The following BCAS3 variants were observed in gnomAD, a reference collection of about 807,000 sequenced individuals.
BCAS3 encodes the protein BCAS3 microtubule associated cell migration factor, also known as BCAS4/BCAS3 fusion.
BCAS3 carries 53 observed loss-of-function variants against 116.1 expected under a neutral mutation model. The observed-to-expected ratio is 0.46, with a 90% CI of 0.37 to 0.57. BCAS3 has a LOEUF of 0.57. Ranked by LOEUF, BCAS3 falls within the 20% of genes least tolerant of loss-of-function variation. BCAS3 has a pLI of 0.00. For missense variants in BCAS3, 917 were observed against 1,165.4 expected (o/e 0.79, Z 3.10); for synonymous variants, 391 against 408.2 (o/e 0.96, Z 0.51).
chr17:61,153,213 C>T (rs2077636438), intron 22 of BCAS3, among the ~76,000 whole-genome samples: 1 of 152,126 alleles, frequency 6.6e-6, no homozygotes, highest in Non-Finnish European at 1.5e-5. Flanking sequence ...TTGTAACTAA[C>T]TTGTTGTTCC....
rs190837961 is a variant in BCAS3, at chr17:61,371,641, T to G, written c.2593+3147T>G. Among the ~76,000 whole-genome samples the G allele has an allele frequency of 2.3e-3, 354 of 152,358 alleles. 1 individual carries two copies. The highest frequency in any genetic ancestry group is 8.0e-3 in the African/African-American group (331 of 41,584). Reference sequence around the variant, plus strand: ...ATGTTAATTAGCTCGATTTAGCCATTCCAAATGTATACATATTTCAAAACA... The same window carrying G: ...ATGTTAATTAGCTCGATTTAGCCATGCCAAATGTATACATATTTCAAAACA... On this transcript the variant is annotated intron_variant, in intron 23 of 23. Coordinates refer to ENST00000407086, the MANE Select transcript of BCAS3 (RefSeq NM_017679.5).
chr17:61,139,044 A>G lies in BCAS3; in HGVS notation c.2425+54480A>G, dbSNP rs775168884. Among the ~76,000 whole-genome samples the G allele has an allele frequency of 6.6e-6, 1 of 152,188 alleles. No individual in the cohort carries two copies. The highest frequency in any genetic ancestry group is 1.5e-5 in the Non-Finnish European group (1 of 68,030). ...ATGCTTTTGCTTACATTTGTTTATT[A>G]AATCTATTAGATCTAGAAAAAATTA... On this transcript the variant is annotated intron_variant, in intron 22 of 23. Transcript: ENST00000407086. The surrounding 1 kb of genome is among the most constrained non-coding windows in gnomAD (Gnocchi z 4.7).
At position 61,136,673 on chromosome 17, in the gene BCAS3, C is replaced by T. The variant is rs2076659115; in HGVS notation, c.2425+52109C>T. On this transcript the variant is annotated intron_variant, in intron 22 of 23. Coordinates refer to ENST00000407086, the MANE Select transcript of BCAS3 (RefSeq NM_017679.5). The surrounding 1 kb of genome is among the most constrained non-coding windows in gnomAD (Gnocchi z 4.4). ...CTCCCAGGTTCAAGCAATTCTTATA[C>T]CTCAGCCTCCTGAGTAGCTGGGATT... Among the ~76,000 whole-genome samples, 1 of 152,188 alleles carries T rather than the reference C, an allele frequency of 6.6e-6. No individual in the cohort carries two copies. The highest frequency in any genetic ancestry group is 6.5e-5 in the Admixed American group (1 of 15,286).
At chr17:61,093,655 C>T (rs1191602846) in intron 22 of BCAS3, among the ~76,000 whole-genome samples, 1 of 152,142 alleles carries the variant, frequency 6.6e-6, no homozygotes, top group Non-Finnish European at 1.5e-5. Context: ...CCGGTTGCTC[C>T]CACATTGTTT....
At chr17:61,212,559 A>ATATAT (rs1327954454) in intron 22 of BCAS3, among the ~76,000 whole-genome samples, 6 of 149,980 alleles carry the variant, frequency 4.0e-5, no homozygotes, top group Admixed American at 2.0e-4. Context: ...TATATATATA[A>ATATAT]AAACTATATT....
rs567644969 is a variant in BCAS3 at position 61,176,359 on chromosome 17, T to A, written c.2425+91795T>A. On this transcript the variant is annotated intron_variant, in intron 22 of 23. Coordinates refer to ENST00000407086, the MANE Select transcript of BCAS3 (RefSeq NM_017679.5). ...CCAGAAAAGCTATTTACCCAGAAAA[T>A]TTTTTTCTTCCTATATTTTTGTTTT... is the stretch of plus-strand genomic sequence containing the variant. Among the ~76,000 whole-genome samples the A allele has an allele frequency of 6.9e-5, 5 of 72,352 alleles. No homozygotes were observed. The South Asian group carries it at 4.0e-3, about 57-fold the overall frequency. The allele number at this position is 72,352 out of a possible 152,430, so 47.5% of individuals were successfully genotyped here.
At chr17:61,009,255 G>T (rs965926416) in intron 15 of BCAS3, among the ~76,000 whole-genome samples, 5 of 151,930 alleles carry the variant, frequency 3.3e-5, no homozygotes, top group Non-Finnish European at 5.9e-5. Context: ...AAGCTTTGCC[G>T]TTTCTATACT....
chr17:60,780,027 T>C (rs1332247613), intron 6 of BCAS3, among the ~76,000 whole-genome samples: 3 of 151,872 alleles, frequency 2.0e-5, no homozygotes, highest in Non-Finnish European at 2.9e-5. Flanking sequence ...TCTCGCTCTG[T>C]TGCCTAGGCT....
chr17:60,734,893 G>T (rs1203624243), intron 5 of BCAS3, among the ~76,000 whole-genome samples: 1 of 152,138 alleles, frequency 6.6e-6, no homozygotes, highest in African/African-American at 2.4e-5. Context: ...GGATTACATT[G>T]AATGTATACA....
rs183632053 is a variant in BCAS3 at position 61,051,865 on chromosome 17, G to C, written c.2029+10973G>C. On this transcript the variant is annotated intron_variant, in intron 19 of 23. Transcript: ENST00000407086. This position sits in a 1 kb window ranked among gnomAD's most constrained non-coding sequence, Gnocchi z 4.1. ...TAGGGCTAATGTTTATATTATAAAG[G>C]GAAAAGATCTGAAATCAATGACCTC... 1.1e-4 allele frequency among the ~76,000 whole-genome samples: 17 copies of C among 152,142 alleles called. No homozygotes were observed. The highest frequency in any genetic ancestry group is 1.0e-3 in the Admixed American group (16 of 15,276).
chr17:61,387,416 T>G lies in BCAS3; in HGVS notation c.2594-4561T>G, dbSNP rs531519534. Among the ~76,000 whole-genome samples the G allele has an allele frequency of 6.6e-6, 1 of 152,296 alleles. No homozygotes were observed. The highest frequency in any genetic ancestry group is 1.9e-4 in the East Asian group (1 of 5,178). On this transcript the variant is annotated intron_variant, in intron 23 of 23. Coordinates refer to ENST00000407086, the MANE Select transcript of BCAS3 (RefSeq NM_017679.5). The surrounding 1 kb of genome is among the most constrained non-coding windows in gnomAD (Gnocchi z 6.2). Reference sequence around the variant, plus strand: ...AGGCCAGTCCCCTCTTTCTGCCCCCTCTGACACCTCTGAGTTTGGATGGGC... The same window carrying G: ...AGGCCAGTCCCCTCTTTCTGCCCCCGCTGACACCTCTGAGTTTGGATGGGC...
At chr17:61,178,092 C>A (rs952667058) in intron 22 of BCAS3, among the ~76,000 whole-genome samples, 1 of 152,136 alleles carries the variant, frequency 6.6e-6, no homozygotes, top group African/African-American at 2.4e-5. Context: ...TAATCCCAAT[C>A]TCTTTCTTTA....
At chr17:61,060,956 G>A (rs148944757) in intron 19 of BCAS3, among the ~76,000 whole-genome samples, 5 of 152,242 alleles carry the variant, frequency 3.3e-5, no homozygotes, top group African/African-American at 1.2e-4. Flanking sequence ...GATCAAGCCT[G>A]GAAAATGCTC....
chr17:60,815,458 A>G (rs2049292670), intron 7 of BCAS3, among the ~76,000 whole-genome samples: 1 of 149,612 alleles, frequency 6.7e-6, no homozygotes, highest in Non-Finnish European at 1.5e-5. Context: ...AAAAAAAAGG[A>G]AAAAAAAAAG....
intron 22 of BCAS3, among the ~76,000 whole-genome samples, chr17:61,287,557 C>G (rs1447024977): frequency 6.6e-6 from 1 of 151,890 alleles, no homozygotes. Context: ...GAGACCTCGT[C>G]TCTATGAAAA....
In BCAS3 at chr17:61,327,646, A is replaced by T. The variant is rs897252375; in HGVS notation, c.2426-40681A>T. ...TGCCTCAGCCTCCCGAGTAGCTGGG[A>T]TTACAGGCATGTACCACCAAACCCC... On this transcript the variant is annotated intron_variant, in intron 22 of 23. Coordinates refer to ENST00000407086, the MANE Select transcript of BCAS3 (RefSeq NM_017679.5). This position sits in a 1 kb window ranked among gnomAD's most constrained non-coding sequence, Gnocchi z 5.9. Among the ~76,000 whole-genome samples the T allele has an allele frequency of 2.6e-5, 4 of 152,094 alleles. No homozygotes were observed. The highest frequency in any genetic ancestry group is 9.7e-5 in the African/African-American group (4 of 41,400).
At position 60,841,546 on chromosome 17, in the gene BCAS3, ATTTTTTTTT is replaced by A. The variant is rs754447784; in HGVS notation, c.477-27019_477-27011del. 7.3e-5 allele frequency among the ~76,000 whole-genome samples: 9 copies of A among 123,466 alleles called. No individual in the cohort carries two copies. In the East Asian group the frequency reaches 1.8e-3, roughly 25 times the overall value. 81.0% of individuals were successfully genotyped at this position (123,466 alleles called of 152,430 possible). A position where few individuals can be genotyped will look rare whatever the true frequency, so the allele number is the denominator to read the frequency against. On this transcript the variant is annotated intron_variant, in intron 7 of 23. Transcript: ENST00000407086. ...AGGTGCCCGCCACCACACCTGGCTA[ATTTTTTTTT>A]TTTTTTTTTTGTATTTTTAGTAGAG...
At chr17:61,193,162 T>G (rs2080250488) in intron 22 of BCAS3, among the ~76,000 whole-genome samples, 2 of 151,976 alleles carry the variant, frequency 1.3e-5, no homozygotes, top group South Asian at 4.1e-4. Context: ...GTCAGGAGGC[T>G]GAGGCAAGAG....
At chr17:60,824,392 G>A (rs1311284379) in intron 7 of BCAS3, among the ~76,000 whole-genome samples, 3 of 152,058 alleles carry the variant, frequency 2.0e-5, no homozygotes, top group African/African-American at 7.2e-5. Flanking sequence ...CATTCCCAAG[G>A]GACACATCTC....
Sources: gnomAD v4.1 joint callset for allele counts (sites outside exome capture counted in the v4.1 genomes callset) on GRCh38, gnomAD v4.1.1 for gene constraint, Gnocchi (gnomAD v3.1) non-coding constraint, MANE v1.5 for transcripts, NCBI Gene and HGNC (gene_info 2026-07-23, HGNC 2026-07-21) for gene names.